The following KLF17 variants were observed in gnomAD, a reference collection of about 807,000 sequenced individuals.
The protein encoded by KLF17 is Krueppel-like factor 17.
Under a neutral mutation model 34.2 loss-of-function variants are expected in KLF17, and 31 were observed. The observed-to-expected ratio is 0.91, with a 90% confidence interval of 0.68 to 1.22. The LOEUF (loss-of-function observed/expected upper bound fraction) is 1.22. Ranked by LOEUF, KLF17 falls within the 50% of genes most tolerant of loss-of-function variation. The pLI, the probability that KLF17 is intolerant of heterozygous loss-of-function variation, is 0.00. For synonymous variants in KLF17, 179 were observed against 186.7 expected (o/e 0.96, Z 0.34); for missense variants, 478 against 505.2 (o/e 0.95, Z 0.52).
chr1:44,089,011 ATC>A, the KLF17 span, among the ~76,000 whole-genome samples: 1 of 152,190 alleles, frequency 6.6e-6, no homozygotes, highest in Non-Finnish European at 1.5e-5. Context: ...TAGAAGGAAT[ATC>A]TCTACTGAAA....
At chr1:44,119,359 G>A (rs1450350518) in intron 1 of KLF17, among the ~76,000 whole-genome samples, 1 of 150,780 alleles carries the variant, frequency 6.6e-6, no homozygotes, top group Non-Finnish European at 1.5e-5. Flanking sequence ...ACTTGAGTAG[G>A]CAGGACAGCA....
At chr1:44,055,587 A>G in the KLF17 span, among the ~76,000 whole-genome samples, 1 of 152,178 alleles carries the variant, frequency 6.6e-6, no homozygotes, top group African/African-American at 2.4e-5. Flanking sequence ...GCTTACCTCA[A>G]CACAGATAAG....
upstream of KLF17, among the ~76,000 whole-genome samples, chr1:44,118,509 C>T (rs918386874): frequency 6.6e-6 from 1 of 152,192 alleles, no homozygotes; most frequent in African/African-American, 2.4e-5. Context: ...CCTCTCTCTC[C>T]AGCCTCGCCT....
chr1:44,104,638 G>C, the KLF17 span: 2 of 516,628 alleles, frequency 3.9e-6, no homozygotes, highest in South Asian at 3.9e-5. Context: ...CCCAGAAGCT[G>C]CTGCTGCCCA....
chr1:44,050,326 A>G, the KLF17 span, among the ~76,000 whole-genome samples: 1 of 152,226 alleles, frequency 6.6e-6, no homozygotes, highest in South Asian at 2.1e-4. Context: ...TGAAAGGGGA[A>G]GAGGCAAAAG....
chr1:44,103,571 G>A, the KLF17 span: 3 of 1,557,826 alleles, frequency 1.9e-6, no homozygotes, highest in Non-Finnish European at 2.6e-6. Flanking sequence ...ACTCCAGCCG[G>A]CTCTCCTCGC....
the KLF17 span, among the ~76,000 whole-genome samples, chr1:44,053,741 C>T: frequency 6.6e-6 from 1 of 152,174 alleles, no homozygotes; most frequent in African/African-American, 2.4e-5. Flanking sequence ...TTTAGAGGAT[C>T]CTGGGAAGTT....
chr1:44,115,599 A>G (rs1409244352), upstream of KLF17: 1 of 152,112 alleles, frequency 6.6e-6, no homozygotes, highest in Non-Finnish European at 1.5e-5. Flanking sequence ...ATAAAAATTT[A>G]CCTTTGAAAT....
the KLF17 span, chr1:44,104,692 C>A: frequency 5.0e-6 from 2 of 401,762 alleles, no homozygotes; most frequent in South Asian, 5.5e-5. Flanking sequence ...TGGGCCCACT[C>A]GTATAGGAGC....
the KLF17 span, among the ~76,000 whole-genome samples, chr1:44,089,587 C>G: frequency 6.6e-6 from 1 of 152,058 alleles, no homozygotes; most frequent in East Asian, 1.9e-4. Context: ...CAAGTTCTTC[C>G]TTGAAGGGGG....
chr1:44,106,138 T>A, the KLF17 span, among the ~76,000 whole-genome samples: 2 of 152,014 alleles, frequency 1.3e-5, no homozygotes, highest in Non-Finnish European at 2.9e-5. Flanking sequence ...ACTCATCCTA[T>A]TCCTACTTCC....
At chr1:44,109,520 T>G in the KLF17 span, among the ~76,000 whole-genome samples, 2 of 152,242 alleles carry the variant, frequency 1.3e-5, no homozygotes, top group East Asian at 3.8e-4. Flanking sequence ...TTTTACTGAT[T>G]TTACCAGTGT....
the KLF17 span, among the ~76,000 whole-genome samples, chr1:44,052,385 C>G: frequency 6.6e-6 from 1 of 152,216 alleles, no homozygotes; most frequent in South Asian, 2.1e-4. Flanking sequence ...TGGACAGCCA[C>G]CAACAGCAGT....
At chr1:44,109,898 T>C in the KLF17 span, among the ~76,000 whole-genome samples, 2 of 880 alleles carry the variant, frequency 2.3e-3, no homozygotes, top group African/African-American at 3.8e-3. Context: ...TTTTTTATAC[T>C]TTTTTTTTTT....
At chr1:44,087,672 C>T in the KLF17 span, among the ~76,000 whole-genome samples, 3 of 144,014 alleles carry the variant, frequency 2.1e-5, no homozygotes, top group Non-Finnish European at 1.5e-5. Flanking sequence ...CCTCACATGA[C>T]CTTTCCTCTG....
the KLF17 span, among the ~76,000 whole-genome samples, chr1:44,079,867 T>C: frequency 6.6e-6 from 1 of 152,114 alleles, no homozygotes; most frequent in Non-Finnish European, 1.5e-5. Context: ...CTTGGGTCCA[T>C]TTCTAGCCTG....
chr1:44,122,386 C>T, intron 1 of KLF17: 1 of 1,604,672 alleles, frequency 6.2e-7, no homozygotes, highest in South Asian at 1.1e-5. Flanking sequence ...GTCATTTTCA[C>T]AGCTTTAAGA....
chr1:44,095,453 G>A, the KLF17 span, among the ~76,000 whole-genome samples: 1 of 151,518 alleles, frequency 6.6e-6, no homozygotes, highest in Non-Finnish European at 1.5e-5. Flanking sequence ...GACCTCAGGT[G>A]ATCCACCTGC....
chr1:44,088,997 G>A, the KLF17 span, among the ~76,000 whole-genome samples: 1 of 152,128 alleles, frequency 6.6e-6, no homozygotes, highest in Non-Finnish European at 1.5e-5. Context: ...ACAGGCCAAA[G>A]CATTAGAAGG....
Sources: gnomAD v4.1 joint callset for allele counts (sites outside exome capture counted in the v4.1 genomes callset) on GRCh38, gnomAD v4.1.1 for gene constraint, MANE v1.5 for transcripts, NCBI Gene and HGNC (gene_info 2026-07-23, HGNC 2026-07-21) for gene names.